ELAPOR2: variants seen among roughly 807,000 people sequenced by gnomAD.
The protein encoded by ELAPOR2 is endosome/lysosome-associated apoptosis and autophagy regulator family member 2.
Under a neutral mutation model 120.7 loss-of-function variants are expected in ELAPOR2, and 89 were observed. The ratio of observed to expected loss-of-function variants is 0.74; its 90% CI spans 0.62 to 0.88. The LOEUF is 0.88. Ranked by LOEUF, ELAPOR2 falls within the 40% of genes least tolerant of loss-of-function variation. ELAPOR2 has a pLI of 0.00. For missense variants in ELAPOR2, 1,134 were observed against 1,251.6 expected, an observed-to-expected ratio of 0.91 and a Z score of 1.42; for synonymous variants, 444 against 444.9, an observed-to-expected ratio of 1.00 and a Z score of 0.03.
At chr7:87,022,756 T>G (rs1794098834) in intron 1 of ELAPOR2, among the ~76,000 whole-genome samples, 1 of 150,796 alleles carries the variant, frequency 6.6e-6, no homozygotes, top group South Asian at 2.1e-4. Context: ...TCCTGACTTT[T>G]TAATGATTGC....
intron 21 of ELAPOR2, among the ~76,000 whole-genome samples, chr7:86,888,858 A>G (rs908608760): frequency 2.0e-5 from 3 of 152,246 alleles, no homozygotes; most frequent in Non-Finnish European, 2.9e-5. Context: ...TGCCTGCACA[A>G]TGTAGGTCCC....
chr7:87,055,880 A>G lies in ELAPOR2; in HGVS notation c.189+3445T>C, dbSNP rs145345745. Among the ~76,000 whole-genome samples, 17 of 152,352 alleles carry G rather than the reference A, an allele frequency of 1.1e-4. No individual in the cohort carries two copies. The East Asian group carries it at 2.1e-3, about 19-fold the overall frequency. ...TAGCAAAACTCATCATTCAGTAGTC[A>G]GGGAGAACAGCAGAATTGCATTATG... On this transcript the variant is annotated intron_variant, in intron 1 of 21. Coordinates refer to ENST00000450689, the MANE Select transcript of ELAPOR2 (RefSeq NM_001142749.3).
chr7:86,894,553 T>TA (rs1175535741), intron 19 of ELAPOR2, among the ~76,000 whole-genome samples: 1 of 150,984 alleles, frequency 6.6e-6, no homozygotes, highest in African/African-American at 2.4e-5. Flanking sequence ...ACTTCAAAAT[T>TA]AAAAAAAAAT....
chr7:86,890,850 C>T (rs1386094181), intron 21 of ELAPOR2, among the ~76,000 whole-genome samples: 1 of 151,852 alleles, frequency 6.6e-6, no homozygotes, highest in East Asian at 1.9e-4. Flanking sequence ...ATTTATGTGC[C>T]TAAATTAGGA....
intron 18 of ELAPOR2, among the ~76,000 whole-genome samples, chr7:86,906,761 G>C (rs1213084318): frequency 6.6e-6 from 1 of 152,006 alleles, no homozygotes; most frequent in Admixed American, 6.6e-5. Context: ...GGGTGCAATG[G>C]GTCACACCTG....
At chr7:86,907,290 C>A (rs1293838295) in intron 18 of ELAPOR2, among the ~76,000 whole-genome samples, 2 of 151,926 alleles carry the variant, frequency 1.3e-5, no homozygotes, top group East Asian at 1.9e-4. Flanking sequence ...TCTTGATCAC[C>A]CAGCTAGTTA....
rs562812188 is a variant in ELAPOR2, at chr7:86,911,880, C to T, written c.2169+192G>A. 121 of 612,996 alleles carry T rather than the reference C, an allele frequency of 2.0e-4. No individual in the cohort carries two copies. The African/African-American group carries it at 2.0e-3, about 10-fold the overall frequency. 38.0% of individuals were successfully genotyped at this position (612,996 alleles called of 1,614,324 possible). A position where few individuals can be genotyped will look rare whatever the true frequency, so the allele number is the denominator to read the frequency against. ...CATAAGTGATTTGATACACTGAGAA[C>T]CAGACAAGGTTGCCCCTGGTGGAGA... On this transcript the variant is annotated intron_variant, in intron 15 of 21. Transcript: ENST00000450689.
intron 1 of ELAPOR2, among the ~76,000 whole-genome samples, chr7:87,003,556 C>T (rs936683399): frequency 6.6e-6 from 1 of 152,148 alleles, no homozygotes; most frequent in Non-Finnish European, 1.5e-5. Context: ...TTGCATTCTG[C>T]CATGCTTGTA....
chr7:86,913,085 C>A lies in ELAPOR2; in HGVS notation c.1851G>T (p.Ser617=), dbSNP rs369087183. The A allele has an allele frequency of 5.6e-6, 9 of 1,613,926 alleles. No homozygotes were observed. The highest frequency in any genetic ancestry group is 7.6e-6 in the Non-Finnish European group (9 of 1,180,012). Reference sequence around the variant, plus strand: ...AGTGGCCTGGAGGGCAGGGGACACACGATGAACCCGACTGTTCAGAACCGA... The same window carrying A: ...AGTGGCCTGGAGGGCAGGGGACACAAGATGAACCCGACTGTTCAGAACCGA... ...CALGSEQSGS[S]CVPCPPGHYI... Residue 617 remains serine, a synonymous_variant, in exon 14 of 22, where the codon TCG becomes TCT. Coordinates refer to ENST00000450689, the MANE Select transcript of ELAPOR2 (RefSeq NM_001142749.3).
At chr7:86,917,095 C>T (rs1443698223) in intron 12 of ELAPOR2, among the ~76,000 whole-genome samples, 4 of 149,944 alleles carry the variant, frequency 2.7e-5, no homozygotes, top group African/African-American at 9.8e-5. Context: ...ACTGAGCCAT[C>T]ACGCCAGCCT....
rs778214105 is a variant in ELAPOR2 at position 86,938,866 on chromosome 7, G to C, written c.942C>G (p.Thr314=). 1.2e-6 allele frequency: 2 copies of C among 1,613,362 alleles called. No homozygotes were observed. Among genetic ancestry groups the C allele is most frequent in the Admixed American group, 1.7e-5 (1 of 59,930 alleles). ...ATTCTTTGGCTCCTTTCTCAGAATAGGTGTTTCTGGGACACACCTGGCAGT... is the reference window on the plus strand; with the variant it reads ...ATTCTTTGGCTCCTTTCTCAGAATACGTGTTTCTGGGACACACCTGGCAGT... ...SFNCQVCPRN[T]YSEKGAKECI... The change falls in exon 7 of 22, where the codon ACC becomes ACG. Residue 314 remains threonine (T), a synonymous_variant. Coordinates refer to ENST00000450689, the MANE Select transcript of ELAPOR2 (RefSeq NM_001142749.3).
intron 1 of ELAPOR2, among the ~76,000 whole-genome samples, chr7:87,008,378 C>A (rs1174699096): frequency 6.6e-6 from 1 of 152,150 alleles, no homozygotes; most frequent in East Asian, 1.9e-4. Context: ...AATGTGAGAT[C>A]TTAGGCTGCA....
chr7:87,036,396 A>G (rs753229823), intron 1 of ELAPOR2, among the ~76,000 whole-genome samples: 74 of 152,324 alleles, frequency 4.9e-4, no homozygotes, highest in Non-Finnish European at 8.7e-4. Flanking sequence ...AGGTTGGAGG[A>G]TCACTGGAGC....
At chr7:87,057,240 T>A (rs947631371) in intron 1 of ELAPOR2, among the ~76,000 whole-genome samples, 2 of 152,174 alleles carry the variant, frequency 1.3e-5, no homozygotes, top group African/African-American at 4.8e-5. Context: ...TCCTTTACCT[T>A]CAAAGTCTGA....
intron 1 of ELAPOR2, among the ~76,000 whole-genome samples, chr7:86,969,662 G>A (rs1792039471): frequency 6.6e-6 from 1 of 152,030 alleles, no homozygotes; most frequent in African/African-American, 2.4e-5. Context: ...TAAAGAATAA[G>A]GGCTCAAAGT....
intron 2 of ELAPOR2, among the ~76,000 whole-genome samples, chr7:86,957,120 T>A (rs1373244649): frequency 6.6e-6 from 1 of 152,220 alleles, no homozygotes; most frequent in African/African-American, 2.4e-5. Flanking sequence ...TTTTCTCAAC[T>A]GTTTTCATCT....
chr7:86,904,127 G>C (rs1788856883), intron 18 of ELAPOR2, among the ~76,000 whole-genome samples: 1 of 152,174 alleles, frequency 6.6e-6, no homozygotes, highest in Non-Finnish European at 1.5e-5. Flanking sequence ...TTCCTGCTCT[G>C]TAAAGTCAAT....
chr7:87,042,485 T>C (rs888919832), intron 1 of ELAPOR2, among the ~76,000 whole-genome samples: 8 of 151,614 alleles, frequency 5.3e-5, no homozygotes, highest in South Asian at 2.1e-4. Flanking sequence ...TACATGGAAA[T>C]TGAACAACCT....
intron 15 of ELAPOR2, chr7:86,911,638 T>G (rs1468142797): frequency 8.8e-6 from 4 of 457,080 alleles, no homozygotes; most frequent in South Asian, 3.1e-5. Context: ...AACTGATATT[T>G]GGCCCTGCAT....
Sources: gnomAD v4.1 joint callset for allele counts (sites outside exome capture counted in the v4.1 genomes callset) on GRCh38, gnomAD v4.1.1 for gene constraint, MANE v1.5 for transcripts, NCBI Gene and HGNC (gene_info 2026-07-23, HGNC 2026-07-21) for gene names.